CIAO1: variants seen among roughly 807,000 people sequenced by gnomAD.
The protein encoded by CIAO1 is probable cytosolic iron-sulfur protein assembly protein CIAO1.
A neutral mutation model predicts 43.1 loss-of-function variants in CIAO1; 32 were observed. That is an observed-to-expected ratio of 0.74 (90% CI 0.56 to 1.00). CIAO1 has a LOEUF of 1.00. Among genes scored for constraint, CIAO1 ranks in the 50% least tolerant of loss-of-function variants. CIAO1 has a pLI of 0.00. For missense variants in CIAO1, 415 were observed against 437.4 expected (o/e 0.95, Z 0.46); for synonymous variants, 183 against 171.4 (o/e 1.07, Z -0.53).
intron 5 of CIAO1, 187 bp downstream of exon 5, chr2:96,268,845 G>T: frequency 1.7e-6 from 1 of 603,108 alleles, no homozygotes; most frequent in East Asian, 2.8e-5. Context: ...ATTTAAAAGG[G>T]TATGTAGGAT....
intron 4 of CIAO1, 96 bp downstream of exon 4, chr2:96,268,020 G>A (rs1334444233): frequency 9.9e-7 from 1 of 1,014,354 alleles, no homozygotes; most frequent in Non-Finnish European, 1.5e-6. Context: ...AGCTTTTACG[G>A]AGAGTTCCAT....
chr2:96,273,267 C>G lies in CIAO1; in HGVS notation c.*1916C>G, dbSNP rs2104323263. On this transcript the variant is annotated 3_prime_UTR_variant, in exon 7 of 7. Transcript: ENST00000488633. Reference sequence around the variant, plus strand: ...TGATGTTACAAAATCATGCATGGCTCAAAGATTGATTCAAAAGTGTAAGAC... The same window carrying G: ...TGATGTTACAAAATCATGCATGGCTGAAAGATTGATTCAAAAGTGTAAGAC... The G allele has an allele frequency of 6.6e-6, 1 of 152,216 alleles. No homozygotes were observed. 9.4% of individuals were successfully genotyped at this position (152,216 alleles called of 1,614,324 possible). A position where few individuals can be genotyped will look rare whatever the true frequency, so the allele number is the denominator to read the frequency against.
chr2:96,268,627 C>G lies in CIAO1; in HGVS notation c.660C>G (p.Ile220Met). The G allele has an allele frequency of 6.2e-7, 1 of 1,614,224 alleles. No homozygotes were observed. The highest frequency in any genetic ancestry group is 8.5e-7 in the Non-Finnish European group (1 of 1,180,048). Residue 220 changes from isoleucine to methionine, a missense_variant, in exon 5 of 7, where the codon ATC (isoleucine) becomes ATG (methionine). Physicochemically the swap from Ile to Met is conservative, Grantham distance 10. Transcript: ENST00000488633. ...GTAGTGATGACCGTACTGTGCGTATCTGGCGTCAGTATCTACCAGGCAATG... is the reference window on the plus strand; with the variant it reads ...GTAGTGATGACCGTACTGTGCGTATGTGGCGTCAGTATCTACCAGGCAATG... ...ASCSDDRTVR[I>M]WRQYLPGNEQ...
chr2:96,269,445 G>C (rs1684503793), intron 6 of CIAO1, 90 bp downstream of exon 6: 1 of 1,233,542 alleles, frequency 8.1e-7, no homozygotes, highest in Admixed American at 1.7e-5. Flanking sequence ...CAACCCTGGG[G>C]GAGTGCTTGG....
intron 5 of CIAO1, chr2:96,268,927 A>C: frequency 1.8e-6 from 1 of 568,150 alleles, no homozygotes; most frequent in Non-Finnish European, 3.1e-6. Context: ...CAATGGCGGG[A>C]ATGCTTAGAC....
rs1227775007 is a variant in CIAO1 at position 96,271,294 on chromosome 2, C to T, written c.963C>T (p.Ser321=). The T allele has an allele frequency of 1.2e-6, 2 of 1,614,210 alleles. No individual in the cohort carries two copies. Among genetic ancestry groups the T allele is most frequent in the South Asian group, 2.2e-5 (2 of 91,080 alleles). Residue 321 remains serine, a synonymous_variant, in exon 7 of 7, where the codon TCC becomes TCT. Coordinates refer to ENST00000488633, the MANE Select transcript of CIAO1 (RefSeq NM_004804.3). ...CCAAGGAGCCAGGGCTACTGGCCTCCTGCAGTGATGATGGGGAGGTGGCCT... is the reference window on the plus strand; with the variant it reads ...CCAAGGAGCCAGGGCTACTGGCCTCTTGCAGTGATGATGGGGAGGTGGCCT... ...WNPKEPGLLA[S]CSDDGEVAFW... is the part of the protein sequence containing the mutation.
At chr2:96,269,564 G>C (rs1350652627) in intron 6 of CIAO1, among the ~76,000 whole-genome samples, 1 of 152,214 alleles carries the variant, frequency 6.6e-6, no homozygotes, top group Admixed American at 6.5e-5. Context: ...CAGGCTGTGA[G>C]GGTAGCACCA....
rs149718420 is a variant in CIAO1 at position 96,271,327 on chromosome 2, G to T, written c.996G>T (p.Lys332Asn). Reference sequence around the variant, plus strand: ...ATGATGGGGAGGTGGCCTTCTGGAAGTATCAGCGGCCTGAAGGCCTCTGAG... The same window carrying T: ...ATGATGGGGAGGTGGCCTTCTGGAATTATCAGCGGCCTGAAGGCCTCTGAG... Reference protein sequence around the residue: ...CSDDGEVAFWKYQRPEGL With the variant: ...CSDDGEVAFWNYQRPEGL The change falls in exon 7 of 7, where the codon AAG (lysine) becomes AAT (asparagine). Residue 332 changes from lysine (K) to asparagine (N), a missense_variant. Coordinates refer to ENST00000488633, the MANE Select transcript of CIAO1 (RefSeq NM_004804.3). 3.7e-6 allele frequency: 6 copies of T among 1,613,992 alleles called. No homozygotes were observed. Among genetic ancestry groups the T allele is most frequent in the African/African-American group, 2.7e-5 (2 of 74,948 alleles).
At chr2:96,269,708 C>T (rs1356094236) in intron 6 of CIAO1, among the ~76,000 whole-genome samples, 2 of 152,104 alleles carry the variant, frequency 1.3e-5, no homozygotes, top group Non-Finnish European at 2.9e-5. Flanking sequence ...AGTGCGGTGG[C>T]GTGATCTCAT....
At chr2:96,268,426 C>T (rs757115923) in intron 4 of CIAO1, 31 bp from the exon 5 acceptor site, 1 of 1,597,144 alleles carries the variant, frequency 6.3e-7, no homozygotes, top group Admixed American at 1.7e-5. Context: ...CACACAGACA[C>T]ATGTTGGGTT....
rs1558758001 is a variant in CIAO1, at chr2:96,267,445, G to C, written c.264G>C (p.Trp88Cys). ...GCTTTGATGCTACCACTTGCATTTG[G>C]AAGAAGAACCAGGATGACTTTGAGG... ...SASFDATTCI[W>C]KKNQDDFECV... Residue 88 changes from tryptophan to cysteine, a missense_variant, in exon 2 of 7, where the codon TGG becomes TGC. Coordinates refer to ENST00000488633, the MANE Select transcript of CIAO1 (RefSeq NM_004804.3). 6.2e-7 allele frequency: 1 copy of C among 1,614,224 alleles called. No homozygotes were observed. The highest frequency in any genetic ancestry group is 8.5e-7 in the Non-Finnish European group (1 of 1,180,040).
rs995693740 is a variant in CIAO1 at position 96,273,288 on chromosome 2, AAGAC to A, written c.*1940_*1943del. 2 of 152,266 alleles carry A rather than the reference AAGAC, an allele frequency of 1.3e-5. No individual in the cohort carries two copies. Among genetic ancestry groups the A allele is most frequent in the Non-Finnish European group, 2.9e-5 (2 of 68,052 alleles). The allele number at this position is 152,266 out of a possible 1,614,324, so 9.4% of individuals were successfully genotyped here. ...GGCTCAAAGATTGATTCAAAAGTGT[AAGAC>A]AGGCCAGTGGATTTTAATGTATTAA... On this transcript the variant is annotated 3_prime_UTR_variant, in exon 7 of 7. Transcript: ENST00000488633.
intron 3 of CIAO1, 28 bp from the exon 4 acceptor site, chr2:96,267,808 T>A: frequency 1.2e-6 from 2 of 1,613,342 alleles, no homozygotes; most frequent in East Asian, 4.5e-5. Flanking sequence ...CAGGGTCGGC[T>A]CTTGGGTCCC....
Position 96,266,406 on chromosome 2 carries a change from G to T in CIAO1, c.56G>T (p.Cys19Phe), listed in dbSNP as rs199793823. Residue 19 changes from cysteine to phenylalanine, a missense_variant, in exon 1 of 7, where the codon TGC (cysteine) becomes TTC (phenylalanine). Transcript: ENST00000488633. ...GRVPAHPDSR[C>F]WFLAWNPAGT... ...GTCCCGGCGCACCCGGACTCCCGCT[G>T]CTGGTTCCTGGCCTGGAACCCCGCG... The T allele has an allele frequency of 6.5e-7, 1 of 1,545,882 alleles. No individual in the cohort carries two copies.
At position 96,271,343 on chromosome 2, in the gene CIAO1, G is replaced by A. The variant is rs769716082; in HGVS notation, c.1012G>A (p.Gly338Ser). The change falls in exon 7 of 7, where the codon GGC becomes AGC. Residue 338 changes from glycine to serine, a missense_variant. Physicochemically the swap from Gly to Ser is moderately conservative, Grantham distance 56 (BLOSUM62 0). Coordinates refer to ENST00000488633, the MANE Select transcript of CIAO1 (RefSeq NM_004804.3). ...CTTCTGGAAGTATCAGCGGCCTGAA[G>A]GCCTCTGAGCTACCTCGACTTTGGA... ...VAFWKYQRPE[G>S]L 4.6e-5 allele frequency: 75 copies of A among 1,613,724 alleles called. No homozygotes were observed. Among genetic ancestry groups the A allele is most frequent in the Non-Finnish European group, 5.8e-5 (68 of 1,180,008 alleles).
chr2:96,266,285 G>A lies in CIAO1; in HGVS notation c.-66G>A. The A allele has an allele frequency of 3.8e-6, 5 of 1,300,076 alleles. No homozygotes were observed. The highest frequency in any genetic ancestry group is 4.9e-6 in the Non-Finnish European group (5 of 1,016,106). 80.5% of individuals were successfully genotyped at this position (1,300,076 alleles called of 1,614,324 possible). Reference sequence around the variant, plus strand: ...TGGAGTGGGCGGTACGCAGACGCGCGCGGTGAGACCCGCTGTCTGCTCAGC... The same window carrying A: ...TGGAGTGGGCGGTACGCAGACGCGCACGGTGAGACCCGCTGTCTGCTCAGC... On this transcript the variant is annotated 5_prime_UTR_variant, in exon 1 of 7. Transcript: ENST00000488633.
At position 96,266,454 on chromosome 2, in the gene CIAO1, GCGGCGACCGGA is replaced by G. The variant is rs1684431265; in HGVS notation, c.105_115del (p.Gly36AsnfsTer9). ...GCGGGGACCCTGCTGGCCTCGTGCG[GCGGCGACCGGA>G]GAATCCGCATCTGGGGCACGGAGGG... is the stretch of plus-strand genomic sequence containing the variant. On this transcript the variant is annotated frameshift_variant, in exon 1 of 7. Transcript: ENST00000488633. LOFTEE classifies it high-confidence loss of function. 6.4e-7 allele frequency: 1 copy of G among 1,554,028 alleles called. No homozygotes were observed. Among genetic ancestry groups the G allele is most frequent in the Admixed American group, 1.8e-5 (1 of 56,636 alleles).
At chr2:96,271,019 G>A in intron 6 of CIAO1, 92 bp from the exon 7 acceptor site, 1 of 1,522,314 alleles carries the variant, frequency 6.6e-7, no homozygotes, top group South Asian at 1.2e-5. Context: ...GCTGAGGCCT[G>A]AAGTTAGGGA....
chr2:96,273,662 CAA>C lies in CIAO1; in HGVS notation c.*2334_*2335del, dbSNP rs57198918. On this transcript the variant is annotated 3_prime_UTR_variant, in exon 7 of 7. Coordinates refer to ENST00000488633, the MANE Select transcript of CIAO1 (RefSeq NM_004804.3). ...TGGGTGACAGAGCGAGACTCCATTT[CAA>C]AAAAAAAAAAAAAAAAAAAAAATCA... Among the ~76,000 whole-genome samples the C allele has an allele frequency of 3.0e-4, 17 of 55,984 alleles. No homozygotes were observed. The highest frequency in any genetic ancestry group is 4.8e-4 in the Admixed American group (2 of 4,204). 36.7% of individuals were successfully genotyped at this position (55,984 alleles called of 152,430 possible).
Sources: gnomAD v4.1 joint callset for allele counts (sites outside exome capture counted in the v4.1 genomes callset) on GRCh38, gnomAD v4.1.1 for gene constraint, MANE v1.5 for transcripts, NCBI Gene and HGNC (gene_info 2026-07-23, HGNC 2026-07-21) for gene names.